PTCHD4: variants seen among roughly 807,000 people sequenced by gnomAD.
PTCHD4 encodes the protein patched domain containing 4, also known as patched domain-containing protein 4.
Under a neutral mutation model 58.1 loss-of-function variants are expected in PTCHD4, and 33 were observed. The observed-to-expected ratio is 0.57, with a 90% CI of 0.43 to 0.76. The LOEUF (loss-of-function observed/expected upper bound fraction) is 0.76, where lower values mean the gene tolerates loss of function less well. Among genes scored for constraint, PTCHD4 ranks in the 30% least tolerant of loss-of-function variants. PTCHD4 has a pLI of 0.00. For missense variants in PTCHD4, 1,058 were observed against 1,027.1 expected, an observed-to-expected ratio of 1.03 and a Z score of -0.41; for synonymous variants, 478 against 409.6, an observed-to-expected ratio of 1.17 and a Z score of -2.02.
chr6:47,889,508 T>TG (rs1764311447), intron 4 of PTCHD4, among the ~76,000 whole-genome samples: 1 of 152,166 alleles, frequency 6.6e-6, no homozygotes, highest in African/African-American at 2.4e-5. Context: ...TGGGGTTGTT[T>TG]TTTTCTTGTA....
chr6:47,954,316 C>A (rs1467855540), intron 4 of PTCHD4, among the ~76,000 whole-genome samples: 1 of 152,150 alleles, frequency 6.6e-6, no homozygotes, highest in African/African-American at 2.4e-5. Context: ...GAGATTGCAC[C>A]ACTGCACTCC....
chr6:47,895,604 G>A lies in PTCHD4; in HGVS notation c.899-15668C>T, dbSNP rs72867926. ...AACACCTACCATATGCATAATCATG[G>A]TGCTACATGAGAGCACATTCAACTT... On this transcript the variant is annotated intron_variant, in intron 4 of 4. Transcript: ENST00000339488. 6.2e-3 allele frequency among the ~76,000 whole-genome samples: 943 copies of A among 152,254 alleles called. 3 individuals carry two copies. The highest frequency in any genetic ancestry group is 0.01 in the Non-Finnish European group (705 of 68,012).
intron 4 of PTCHD4, among the ~76,000 whole-genome samples, chr6:47,933,712 G>C (rs940390969): frequency 3.9e-5 from 6 of 152,048 alleles, no homozygotes. Context: ...TGGAAATCAT[G>C]AGTACTAGTT....
chr6:48,000,348 C>T (rs992128284), intron 4 of PTCHD4, among the ~76,000 whole-genome samples: 18 of 152,160 alleles, frequency 1.2e-4, no homozygotes, highest in African/African-American at 1.4e-4. Flanking sequence ...CTGTAAACCT[C>T]ATTTTTTGTT....
chr6:47,985,904 C>A (rs1230724901), intron 4 of PTCHD4, among the ~76,000 whole-genome samples: 3 of 151,608 alleles, frequency 2.0e-5, no homozygotes, highest in Non-Finnish European at 4.4e-5. Flanking sequence ...GAATAGAGAC[C>A]AAAGCAGATC....
chr6:48,048,220 A>G (rs1764108613), intron 3 of PTCHD4, among the ~76,000 whole-genome samples: 1 of 151,930 alleles, frequency 6.6e-6, no homozygotes, highest in African/African-American at 2.4e-5. Flanking sequence ...GGCCTAAAAT[A>G]GATTATGCAA....
At chr6:48,073,203 C>G (rs1765005998) in intron 1 of PTCHD4, among the ~76,000 whole-genome samples, 1 of 152,098 alleles carries the variant, frequency 6.6e-6, no homozygotes, top group African/African-American at 2.4e-5. Flanking sequence ...TTCTTTAGTT[C>G]AAACAGAATT....
chr6:47,976,803 T>A (rs1757481253), intron 4 of PTCHD4, among the ~76,000 whole-genome samples: 1 of 151,968 alleles, frequency 6.6e-6, no homozygotes. Flanking sequence ...TCAATATGGA[T>A]ATTTTAAAAG....
In PTCHD4 at chr6:47,874,302, G is replaced by A. The variant is rs1234696513; in HGVS notation, c.*4001C>T. Among the ~76,000 whole-genome samples the A allele has an allele frequency of 6.6e-6, 1 of 151,750 alleles. No individual in the cohort carries two copies. Among genetic ancestry groups the A allele is most frequent in the East Asian group, 2.0e-4 (1 of 5,122 alleles). On this transcript the variant is annotated 3_prime_UTR_variant, in exon 5 of 5. Coordinates refer to ENST00000339488, the MANE Select transcript of PTCHD4 (RefSeq NM_001384253.1). ...GGACTTTAGGCCCTTAAGACCAAAA[G>A]CCATGAGGCATTTATGAATAGGTGA...
At chr6:47,961,894 A>C (rs1432650831) in intron 4 of PTCHD4, among the ~76,000 whole-genome samples, 1 of 152,154 alleles carries the variant, frequency 6.6e-6, no homozygotes, top group Non-Finnish European at 1.5e-5. Context: ...TACAATAAGC[A>C]GAAGAAAGGA....
intron 3 of PTCHD4, among the ~76,000 whole-genome samples, chr6:48,015,000 C>CAACT (rs1762818369): frequency 6.6e-6 from 1 of 152,144 alleles, no homozygotes; most frequent in African/African-American, 2.4e-5. Flanking sequence ...TCCACTAAGG[C>CAACT]AACTGCCTAG....
At chr6:48,020,834 A>G (rs1763041948) in intron 3 of PTCHD4, among the ~76,000 whole-genome samples, 1 of 152,160 alleles carries the variant, frequency 6.6e-6, no homozygotes, top group Non-Finnish European at 1.5e-5. Context: ...TAAATATTCA[A>G]GGGAAATACA....
chr6:47,995,340 G>A, intron 4 of PTCHD4, among the ~76,000 whole-genome samples: 1 of 152,168 alleles, frequency 6.6e-6, no homozygotes, highest in East Asian at 1.9e-4. Flanking sequence ...AGGCATTGGG[G>A]CAGCATTCTT....
intron 1 of PTCHD4, among the ~76,000 whole-genome samples, chr6:48,108,621 A>G (rs1287546410): frequency 2.0e-5 from 3 of 151,802 alleles, no homozygotes; most frequent in Non-Finnish European, 4.4e-5. Flanking sequence ...AAAAATAAAT[A>G]AATAAAAATA....
Position 47,878,534 on chromosome 6 carries a change from T to G in PTCHD4, c.2301A>C (p.Leu767Phe), listed in dbSNP as rs371868068. The G allele has an allele frequency of 6.8e-6, 11 of 1,613,386 alleles. No individual in the cohort carries two copies. The African/African-American group carries it at 1.5e-4, about 22-fold the overall frequency. The part of the protein sequence containing the change: ...LQNVTSFLIG[L>F]VPLLFVPSNL... ...TCGAAGGCACAAATAGAAGGGGGAC[T>G]AACCCAATAAGAAAAGAAGTAACAT... The change falls in exon 5 of 5, where the codon TTA becomes TTC. Residue 767 changes from leucine (L) to phenylalanine (F), a missense_variant. Coordinates refer to ENST00000339488, the MANE Select transcript of PTCHD4 (RefSeq NM_001384253.1).
intron 3 of PTCHD4, among the ~76,000 whole-genome samples, chr6:48,052,251 T>C (rs550508086): frequency 6.6e-6 from 1 of 151,860 alleles, no homozygotes; most frequent in African/African-American, 2.4e-5. Context: ...GGGTAGGAGG[T>C]TGAGAATGAG....
At chr6:48,048,498 A>T (rs1764117231) in intron 3 of PTCHD4, among the ~76,000 whole-genome samples, 1 of 151,898 alleles carries the variant, frequency 6.6e-6, no homozygotes, top group Non-Finnish European at 1.5e-5. Context: ...TATCTTTCCT[A>T]TGTTGCCAAA....
At chr6:47,944,626 G>T (rs1297955726) in intron 4 of PTCHD4, among the ~76,000 whole-genome samples, 1 of 152,040 alleles carries the variant, frequency 6.6e-6, no homozygotes, top group Non-Finnish European at 1.5e-5. Context: ...CAGTGCTAAG[G>T]GTAGAGGAAT....
intron 3 of PTCHD4, among the ~76,000 whole-genome samples, chr6:48,031,773 G>T (rs1763453210): frequency 6.6e-6 from 1 of 152,130 alleles, no homozygotes; most frequent in Non-Finnish European, 1.5e-5. Context: ...AATTCTAAGG[G>T]ATGACAACCC....
Sources: gnomAD v4.1 joint callset for allele counts (sites outside exome capture counted in the v4.1 genomes callset) on GRCh38, gnomAD v4.1.1 for gene constraint, MANE v1.5 for transcripts, NCBI Gene and HGNC (gene_info 2026-07-23, HGNC 2026-07-21) for gene names.